GRM8: variants seen among roughly 807,000 people sequenced by gnomAD.
GRM8 encodes glutamate metabotropic receptor 8.
In GRM8, 47 loss-of-function variants were observed where a neutral mutation model predicts 87.2. The ratio of observed to expected loss-of-function variants is 0.54; its 90% CI spans 0.43 to 0.69. GRM8 has a LOEUF of 0.69. Ranked by LOEUF, GRM8 falls within the 30% of genes least tolerant of loss-of-function variation. The pLI, the probability that GRM8 is intolerant of heterozygous loss-of-function variation, is 0.00. For missense variants in GRM8, 1,019 were observed against 1,139.2 expected (o/e 0.89, Z 1.52); for synonymous variants, 396 against 404.5 (o/e 0.98, Z 0.25).
At chr7:127,065,531 T>TA (rs1201059513) in intron 3 of GRM8, among the ~76,000 whole-genome samples, 9 of 152,084 alleles carry the variant, frequency 5.9e-5, no homozygotes, top group Non-Finnish European at 8.8e-5. Flanking sequence ...TTAAATGTTT[T>TA]AAAAAAAGAA....
intron 3 of GRM8, among the ~76,000 whole-genome samples, chr7:126,964,805 C>G (rs1809675229): frequency 1.3e-5 from 2 of 152,208 alleles, no homozygotes; most frequent in African/African-American, 4.8e-5. Flanking sequence ...AATTCCATTA[C>G]TGGGTATATA....
chr7:126,566,086 GA>G (rs1311740538), intron 8 of GRM8, among the ~76,000 whole-genome samples: 2 of 152,024 alleles, frequency 1.3e-5, no homozygotes, highest in South Asian at 2.1e-4. Flanking sequence ...AATATTGCTA[GA>G]AAAAAATAGG....
At chr7:126,729,472 C>G (rs1813365881) in intron 7 of GRM8, among the ~76,000 whole-genome samples, 1 of 152,138 alleles carries the variant, frequency 6.6e-6, no homozygotes, top group Non-Finnish European at 1.5e-5. Context: ...AAACTAAGAC[C>G]CAGTTGCCCA....
At position 126,936,181 on chromosome 7, in the gene GRM8, G is replaced by A. The variant is rs144945866; in HGVS notation, c.728-31498C>T. Among the ~76,000 whole-genome samples the A allele has an allele frequency of 1.6e-3, 251 of 152,278 alleles. 1 individual carries two copies. The highest frequency in any genetic ancestry group is 5.8e-3 in the African/African-American group (243 of 41,558). ...AATGTGGTTGGCTGAAAGGAACTCA[G>A]AAAATGATCGATATTTGAACTTAAA... is the stretch of plus-strand genomic sequence containing the variant. On this transcript the variant is annotated intron_variant, in intron 3 of 10. Coordinates refer to ENST00000339582, the MANE Select transcript of GRM8 (RefSeq NM_000845.3).
At chr7:127,147,071 C>T (rs900745852) in intron 2 of GRM8, among the ~76,000 whole-genome samples, 1 of 152,044 alleles carries the variant, frequency 6.6e-6, no homozygotes, top group Admixed American at 6.6e-5. Flanking sequence ...GCTATTATTG[C>T]TATTGCTATT....
intron 6 of GRM8, among the ~76,000 whole-genome samples, chr7:126,859,697 G>A (rs1797990385): frequency 1.3e-5 from 2 of 152,184 alleles, no homozygotes; most frequent in South Asian, 4.1e-4. Context: ...CATACAATTT[G>A]AGTGGGGCAT....
intron 7 of GRM8, among the ~76,000 whole-genome samples, chr7:126,612,048 C>T (rs939968011): frequency 2.6e-5 from 4 of 152,140 alleles, no homozygotes; most frequent in African/African-American, 7.2e-5. Flanking sequence ...GTCTTGAATG[C>T]ATTTCTTAAT....
intron 8 of GRM8, among the ~76,000 whole-genome samples, chr7:126,595,880 G>A (rs1263245613): frequency 6.6e-6 from 1 of 152,138 alleles, no homozygotes; most frequent in Non-Finnish European, 1.5e-5. Context: ...GCTCATGCCT[G>A]TAATCCCAAC....
At chr7:126,841,771 G>T (rs1796288501) in intron 6 of GRM8, among the ~76,000 whole-genome samples, 1 of 151,758 alleles carries the variant, frequency 6.6e-6, no homozygotes, top group Non-Finnish European at 1.5e-5. Context: ...GAGACTACAG[G>T]CGCCCCCACC....
intron 6 of GRM8, among the ~76,000 whole-genome samples, chr7:126,857,700 T>C (rs1380047560): frequency 1.3e-5 from 2 of 152,174 alleles, no homozygotes; most frequent in African/African-American, 2.4e-5. Context: ...TTCTCAATCT[T>C]CATCTCAAGG....
chr7:126,667,733 A>G (rs557529517), intron 7 of GRM8, among the ~76,000 whole-genome samples: 2 of 152,318 alleles, frequency 1.3e-5, no homozygotes, highest in African/African-American at 4.8e-5. Flanking sequence ...GCTTCTGACT[A>G]GTACCAAGAA....
chr7:126,932,639 T>C, intron 3 of GRM8, among the ~76,000 whole-genome samples: 1 of 152,204 alleles, frequency 6.6e-6, no homozygotes, highest in Non-Finnish European at 1.5e-5. Flanking sequence ...TATACAAATA[T>C]GCCTAGAGAC....
intron 7 of GRM8, among the ~76,000 whole-genome samples, chr7:126,718,731 A>G (rs999582128): frequency 1.3e-5 from 2 of 152,222 alleles, no homozygotes; most frequent in African/African-American, 4.8e-5. Flanking sequence ...GAACGGCCTG[A>G]GTGCCACGAG....
At chr7:127,134,077 C>T (rs1480448913) in intron 2 of GRM8, among the ~76,000 whole-genome samples, 1 of 152,138 alleles carries the variant, frequency 6.6e-6, no homozygotes, top group Non-Finnish European at 1.5e-5. Flanking sequence ...AAAAAGTAGG[C>T]CTAACTATGA....
intron 8 of GRM8, among the ~76,000 whole-genome samples, chr7:126,605,385 A>T (rs926397880): frequency 6.6e-6 from 1 of 152,226 alleles, no homozygotes; most frequent in Non-Finnish European, 1.5e-5. Context: ...TTGCCAAATT[A>T]AGAACATATG....
intron 9 of GRM8, among the ~76,000 whole-genome samples, chr7:126,506,915 GAC>G (rs1244929207): frequency 3.3e-5 from 5 of 152,106 alleles, no homozygotes; most frequent in Non-Finnish European, 5.9e-5. Context: ...TAGGGGTGAA[GAC>G]ACAGATGCAA....
intron 3 of GRM8, among the ~76,000 whole-genome samples, chr7:127,053,581 A>G (rs1481071497): frequency 6.6e-6 from 1 of 152,140 alleles, no homozygotes; most frequent in East Asian, 1.9e-4. Context: ...CAAGGTCAGG[A>G]GTTCAAGACC....
At chr7:126,656,006 T>C (rs1804485957) in intron 7 of GRM8, among the ~76,000 whole-genome samples, 1 of 152,208 alleles carries the variant, frequency 6.6e-6, no homozygotes. Context: ...GTAACATAAA[T>C]AATAAAATTT....
chr7:126,886,269 A>T (rs1800489458), intron 6 of GRM8, among the ~76,000 whole-genome samples: 1 of 152,170 alleles, frequency 6.6e-6, no homozygotes, highest in African/African-American at 2.4e-5. Flanking sequence ...ACAAATGATG[A>T]AATTTCATGT....
Sources: gnomAD v4.1 joint callset for allele counts (sites outside exome capture counted in the v4.1 genomes callset) on GRCh38, gnomAD v4.1.1 for gene constraint, MANE v1.5 for transcripts, NCBI Gene and HGNC (gene_info 2026-07-23, HGNC 2026-07-21) for gene names.